The following TMC1 variants were observed in gnomAD, a reference collection of about 807,000 sequenced individuals.
TMC1 encodes transmembrane channel like 1, also known as transmembrane channel-like protein 1.
A neutral mutation model predicts 105.8 loss-of-function variants in TMC1; 84 were observed. That is an observed-to-expected ratio of 0.79 (90% CI 0.67 to 0.95). The LOEUF (loss-of-function observed/expected upper bound fraction) is 0.95. TMC1 is among the 40% of genes least tolerant of loss of function. The pLI is 0.00. For synonymous variants in TMC1, 315 were observed against 311.5 expected, an observed-to-expected ratio of 1.01 and a Z score of -0.12; for missense variants, 817 against 914.1, an observed-to-expected ratio of 0.89 and a Z score of 1.37.
chr9:72,739,071 C>G (rs1359382267), intron 8 of TMC1, among the ~76,000 whole-genome samples: 4 of 152,144 alleles, frequency 2.6e-5, no homozygotes, highest in Non-Finnish European at 5.9e-5. Context: ...GGCCATAGAC[C>G]GGGTGGCTTA....
chr9:72,554,777 T>A (rs1370840486), intron 1 of TMC1, among the ~76,000 whole-genome samples: 2 of 152,220 alleles, frequency 1.3e-5, no homozygotes, highest in Admixed American at 6.5e-5. Context: ...ACATTCCATA[T>A]TCTATAAAGA....
chr9:72,789,612 G>T (rs1201033173), intron 15 of TMC1, among the ~76,000 whole-genome samples: 1 of 152,196 alleles, frequency 6.6e-6, no homozygotes, highest in African/African-American at 2.4e-5. Context: ...TCAAGAGATT[G>T]CATTATATGT....
chr9:72,634,063 G>A (rs1432040321), intron 4 of TMC1, among the ~76,000 whole-genome samples: 1 of 152,170 alleles, frequency 6.6e-6, no homozygotes, highest in Non-Finnish European at 1.5e-5. Flanking sequence ...TCAGGGGCTA[G>A]GGTTTTTAAG....
chr9:72,692,331 TTG>T (rs1256146342), intron 6 of TMC1, among the ~76,000 whole-genome samples: 2 of 152,134 alleles, frequency 1.3e-5, no homozygotes, highest in Admixed American at 6.5e-5. Flanking sequence ...TTGTATGGTA[TTG>T]TGTTAGCAGA....
intron 5 of TMC1, among the ~76,000 whole-genome samples, chr9:72,684,372 T>C (rs1826341073): frequency 6.6e-6 from 1 of 152,170 alleles, no homozygotes; most frequent in African/African-American, 2.4e-5. Flanking sequence ...TCAGTCCACA[T>C]TGTACTTAGC....
At chr9:72,830,010 G>C (rs1315010488) in intron 21 of TMC1, among the ~76,000 whole-genome samples, 1 of 152,204 alleles carries the variant, frequency 6.6e-6, no homozygotes, top group East Asian at 1.9e-4. Flanking sequence ...AAAGGCCAAA[G>C]GACGAAATTT....
intron 5 of TMC1, among the ~76,000 whole-genome samples, chr9:72,674,512 C>T (rs964629621): frequency 2.6e-5 from 4 of 152,288 alleles, no homozygotes; most frequent in Admixed American, 1.3e-4. Flanking sequence ...TAACTTTCCC[C>T]GTGCCCTCAG....
intron 12 of TMC1, among the ~76,000 whole-genome samples, chr9:72,756,036 CA>C (rs1387199187): frequency 6.6e-6 from 1 of 152,144 alleles, no homozygotes; most frequent in East Asian, 1.9e-4. Flanking sequence ...CCAGAACATG[CA>C]AACCTTAAGA....
Position 72,606,971 on chromosome 9 carries a change from G to GTATGTATGTA in TMC1, c.-305-9396_-305-9395insATGTATGTAT, listed in dbSNP as rs33944435. 4.1e-3 allele frequency among the ~76,000 whole-genome samples: 554 copies of GTATGTATGTA among 135,234 alleles called. 4 individuals are homozygous for GTATGTATGTA. Among genetic ancestry groups the GTATGTATGTA allele is most frequent in the African/African-American group, 0.013 (456 of 34,020 alleles). 88.7% of individuals were successfully genotyped at this position (135,234 alleles called of 152,430 possible). A position where few individuals can be genotyped will look rare whatever the true frequency, so the allele number is the denominator to read the frequency against. ...TATATGTATGTATGTATGTATGTAT[G>GTATGTATGTA]TGTGTGTGTGCATATATATATATAT... On this transcript the variant is annotated intron_variant, in intron 2 of 23. Coordinates refer to ENST00000297784, the MANE Select transcript of TMC1 (RefSeq NM_138691.3).
intron 5 of TMC1, among the ~76,000 whole-genome samples, chr9:72,664,908 C>A (rs529295545): frequency 1.9e-3 from 295 of 152,296 alleles, no homozygotes; most frequent in African/African-American, 6.4e-3. Context: ...CCCACTGGGG[C>A]TTTGAGAGTC....
At chr9:72,720,744 C>G (rs572077620) in intron 8 of TMC1, among the ~76,000 whole-genome samples, 2 of 152,326 alleles carry the variant, frequency 1.3e-5, no homozygotes, top group Non-Finnish European at 2.9e-5. Context: ...TGACAGGTAT[C>G]TCAGTCCCAA....
chr9:72,707,690 C>T (rs943099928), intron 8 of TMC1, among the ~76,000 whole-genome samples: 2 of 151,908 alleles, frequency 1.3e-5, no homozygotes, highest in African/African-American at 4.8e-5. Flanking sequence ...TTGTGAAGAC[C>T]TTCTCCCTCT....
chr9:72,666,774 C>A (rs1026421613), intron 5 of TMC1, among the ~76,000 whole-genome samples: 2 of 151,966 alleles, frequency 1.3e-5, no homozygotes, highest in Non-Finnish European at 2.9e-5. Context: ...CACGGCCAGG[C>A]GTGGTGGCCT....
At chr9:72,549,089 T>G (rs2132070384) in intron 1 of TMC1, among the ~76,000 whole-genome samples, 1 of 152,322 alleles carries the variant, frequency 6.6e-6, no homozygotes, top group Admixed American at 6.5e-5. Context: ...TCTTCAGAGA[T>G]CAACATTTCA....
intron 2 of TMC1, among the ~76,000 whole-genome samples, chr9:72,613,224 C>T (rs980652220): frequency 4.0e-5 from 6 of 151,340 alleles, no homozygotes; most frequent in Admixed American, 2.0e-4. Flanking sequence ...CTCCGCCTCC[C>T]GGGTTCAAGC....
intron 23 of TMC1, 25 bp downstream of exon 23, chr9:72,830,707 A>G (rs777025410): frequency 1.3e-6 from 2 of 1,564,768 alleles, no homozygotes; most frequent in South Asian, 1.2e-5. Flanking sequence ...TATGTTTGTA[A>G]TGTTTGTAAT....
intron 1 of TMC1, among the ~76,000 whole-genome samples, chr9:72,551,687 C>T (rs954931157): frequency 5.9e-5 from 9 of 152,118 alleles, no homozygotes; most frequent in African/African-American, 9.7e-5. Flanking sequence ...AGACTAAAGT[C>T]CTAGTCTCCA....
At chr9:72,601,071 A>T (rs1241136857) in intron 2 of TMC1, among the ~76,000 whole-genome samples, 1 of 152,154 alleles carries the variant, frequency 6.6e-6, no homozygotes, top group African/African-American at 2.4e-5. Context: ...GCAGAGGCTT[A>T]TTCCTGTAAT....
chr9:72,693,119 CAA>C (rs5898267), intron 6 of TMC1, among the ~76,000 whole-genome samples: 6 of 132,554 alleles, frequency 4.5e-5, no homozygotes, highest in Admixed American at 7.6e-5. Flanking sequence ...AATTGTGTCT[CAA>C]AAAAAAAAAA....
Sources: gnomAD v4.1 joint callset for allele counts (sites outside exome capture counted in the v4.1 genomes callset) on GRCh38, gnomAD v4.1.1 for gene constraint, MANE v1.5 for transcripts, NCBI Gene and HGNC (gene_info 2026-07-23, HGNC 2026-07-21) for gene names.